Variants in SGCZ observed in about 807,000 individuals in gnomAD.
The protein encoded by SGCZ is sarcoglycan zeta.
In SGCZ, 40 loss-of-function variants were observed where a neutral mutation model predicts 41.3. The ratio of observed to expected loss-of-function variants is 0.97; its 90% CI spans 0.75 to 1.26. SGCZ has a LOEUF of 1.26. SGCZ is among the 50% of genes most tolerant of loss of function. SGCZ has a pLI of 0.00. For missense variants in SGCZ, 552 were observed against 369.8 expected (o/e 1.49, Z -4.04); for synonymous variants, 206 against 137.5 (o/e 1.50, Z -3.49).
chr8:14,797,205 T>C (rs1362264180), intron 1 of SGCZ, among the ~76,000 whole-genome samples: 1 of 151,884 alleles, frequency 6.6e-6, no homozygotes, highest in Non-Finnish European at 1.5e-5. Flanking sequence ...TGTGGGAAAG[T>C]CTGGGACTTC....
At chr8:14,833,769 G>T (rs1302901451) in intron 1 of SGCZ, among the ~76,000 whole-genome samples, 3 of 152,102 alleles carry the variant, frequency 2.0e-5, no homozygotes, top group African/African-American at 7.2e-5. Flanking sequence ...GAAGAAAGAG[G>T]AGTCTTTCAA....
chr8:15,198,581 A>G (rs1169892792), intron 1 of SGCZ, among the ~76,000 whole-genome samples: 1 of 152,210 alleles, frequency 6.6e-6, no homozygotes, highest in African/African-American at 2.4e-5. Flanking sequence ...AAATTAACGC[A>G]TAATATCAAG....
intron 1 of SGCZ, among the ~76,000 whole-genome samples, chr8:14,946,357 A>G (rs1296310129): frequency 6.6e-6 from 1 of 151,566 alleles, no homozygotes; most frequent in African/African-American, 2.4e-5. Flanking sequence ...CTCGCGCATC[A>G]CAGAAGGAAA....
At chr8:14,881,359 C>G (rs1191262964) in intron 1 of SGCZ, among the ~76,000 whole-genome samples, 1 of 152,064 alleles carries the variant, frequency 6.6e-6, no homozygotes, top group African/African-American at 2.4e-5. Context: ...GAATCCCACT[C>G]CATTTCGACC....
chr8:14,472,737 A>G (rs1316267476), intron 2 of SGCZ, among the ~76,000 whole-genome samples: 5 of 152,202 alleles, frequency 3.3e-5, no homozygotes, highest in Non-Finnish European at 7.4e-5. Context: ...GTATACATTC[A>G]AACTTTATTC....
chr8:14,461,956 C>G (rs796859812), intron 2 of SGCZ, among the ~76,000 whole-genome samples: 1 of 151,916 alleles, frequency 6.6e-6, no homozygotes, highest in Non-Finnish European at 1.5e-5. Context: ...TTTCTGAAAA[C>G]GTTTTAATAC....
chr8:15,080,027 T>C (rs1805681863), intron 1 of SGCZ, among the ~76,000 whole-genome samples: 1 of 152,188 alleles, frequency 6.6e-6, no homozygotes, highest in Non-Finnish European at 1.5e-5. Context: ...CGGTCCTCTA[T>C]TTTTCCTTCG....
intron 1 of SGCZ, among the ~76,000 whole-genome samples, chr8:15,237,080 G>A (rs577559803): frequency 6.6e-6 from 1 of 152,336 alleles, no homozygotes; most frequent in African/African-American, 2.4e-5. Flanking sequence ...GATAAAAACG[G>A]GCTGTCGTTG....
chr8:14,168,460 C>A (rs989487492), intron 4 of SGCZ, among the ~76,000 whole-genome samples: 1 of 152,062 alleles, frequency 6.6e-6, no homozygotes, highest in Admixed American at 6.6e-5. Context: ...GGGGGCAGGT[C>A]TTTCCTGTGC....
chr8:14,760,527 A>T lies in SGCZ; in HGVS notation c.40-205601T>A, dbSNP rs145990449. Reference sequence around the variant, plus strand: ...ATATTACTTAACAAAAAATGTATGCATGTATTTTATAACCATGTAAAATAC... The same window carrying T: ...ATATTACTTAACAAAAAATGTATGCTTGTATTTTATAACCATGTAAAATAC... On this transcript the variant is annotated intron_variant, in intron 1 of 7. Coordinates refer to ENST00000382080, the MANE Select transcript of SGCZ (RefSeq NM_139167.4). 1.2e-4 allele frequency among the ~76,000 whole-genome samples: 18 copies of T among 152,330 alleles called. 1 individual carries two copies. Among genetic ancestry groups the T allele is most frequent in the Admixed American group, 1.2e-3 (18 of 15,302 alleles).
At chr8:14,950,846 T>C (rs1337708932) in intron 1 of SGCZ, among the ~76,000 whole-genome samples, 1 of 151,988 alleles carries the variant, frequency 6.6e-6, no homozygotes, top group Non-Finnish European at 1.5e-5. Flanking sequence ...TAATCAAAAA[T>C]GTAAAAGGTA....
chr8:14,688,409 C>G (rs4461903), intron 1 of SGCZ, among the ~76,000 whole-genome samples: 2 of 152,036 alleles, frequency 1.3e-5, no homozygotes, highest in African/African-American at 4.8e-5. Context: ...AGCTTTCTAC[C>G]TATGGCTAGC....
chr8:14,381,545 C>T (rs1034148882), intron 2 of SGCZ, among the ~76,000 whole-genome samples: 1 of 151,904 alleles, frequency 6.6e-6, no homozygotes, highest in Non-Finnish European at 1.5e-5. Context: ...GAAGCTCAAC[C>T]AGGCAGATCG....
At chr8:15,193,300 G>T (rs1226354388) in intron 1 of SGCZ, among the ~76,000 whole-genome samples, 1 of 151,996 alleles carries the variant, frequency 6.6e-6, no homozygotes, top group Admixed American at 6.6e-5. Context: ...ATAATCTTAG[G>T]CTAGCCAAGA....
At chr8:14,845,308 C>A (rs77653017) in intron 1 of SGCZ, among the ~76,000 whole-genome samples, 7,276 of 152,150 alleles carry the variant, frequency 0.048, 207 homozygotes, top group African/African-American at 0.061. Flanking sequence ...TCCAGACATG[C>A]CTAACAATTC....
intron 1 of SGCZ, among the ~76,000 whole-genome samples, chr8:15,134,206 TATC>T (rs1808020875): frequency 6.6e-6 from 1 of 152,048 alleles, no homozygotes; most frequent in African/African-American, 2.4e-5. Flanking sequence ...CAAAAATCAT[TATC>T]ATACCAGCTG....
intron 1 of SGCZ, among the ~76,000 whole-genome samples, chr8:15,013,847 G>A (rs1802923006): frequency 6.6e-6 from 1 of 152,210 alleles, no homozygotes; most frequent in South Asian, 2.1e-4. Context: ...AACGAGGCAT[G>A]TTTGTGGGAA....
At chr8:15,201,022 TTA>T (rs2117133856) in intron 1 of SGCZ, among the ~76,000 whole-genome samples, 1 of 152,222 alleles carries the variant, frequency 6.6e-6, no homozygotes, top group South Asian at 2.1e-4. Context: ...CAGATCTACT[TTA>T]TCTATTTATT....
chr8:14,511,118 TAC>T lies in SGCZ; in HGVS notation c.234+43612_234+43613del, dbSNP rs1472312176. Among the ~76,000 whole-genome samples, 506 of 152,114 alleles carry T rather than the reference TAC, an allele frequency of 3.3e-3. 1 individual carries two copies. Among genetic ancestry groups the T allele is most frequent in the Admixed American group, 6.8e-3 (104 of 15,252 alleles). ...ATGTGTCACAAATGGTGCTGTCAAG[TAC>T]CCTTACTTGAGGACTAGTAATTGTT... On this transcript the variant is annotated intron_variant, in intron 2 of 7. Coordinates refer to ENST00000382080, the MANE Select transcript of SGCZ (RefSeq NM_139167.4).
Sources: allele counts gnomAD v4.1 joint callset (sites outside exome capture counted in the v4.1 genomes callset), GRCh38; gene constraint gnomAD v4.1.1; transcripts MANE v1.5; gene names NCBI Gene and HGNC (gene_info 2026-07-23, HGNC 2026-07-21).